Variants in TRAK1 observed in about 807,000 individuals in gnomAD.
TRAK1 encodes the protein trafficking kinesin protein 1, also known as trafficking kinesin-binding protein 1.
In TRAK1, 33 loss-of-function variants were observed where a neutral mutation model predicts 92.1. The ratio of observed to expected loss-of-function variants is 0.36; its 90% CI spans 0.27 to 0.48. The LOEUF (loss-of-function observed/expected upper bound fraction) is 0.48, where lower values mean the gene tolerates loss of function less well. Ranked by LOEUF, TRAK1 falls within the 20% of genes least tolerant of loss-of-function variation. TRAK1 has a pLI of 0.99. For missense variants in TRAK1, 1,123 were observed against 1,257.9 expected (o/e 0.89, Z 1.62); for synonymous variants, 521 against 517.3 (o/e 1.01, Z -0.10).
intron 2 of TRAK1, among the ~76,000 whole-genome samples, chr3:42,141,398 T>G (rs1434977555): frequency 6.6e-6 from 1 of 152,208 alleles, no homozygotes; most frequent in East Asian, 1.9e-4. Flanking sequence ...ATTCATTTCT[T>G]TGTGAATTTC....
intron 3 of TRAK1, among the ~76,000 whole-genome samples, chr3:42,184,370 T>C (rs1301247145): frequency 3.9e-5 from 6 of 152,252 alleles, no homozygotes; most frequent in Non-Finnish European, 8.8e-5. Context: ...ATCAAGTGAC[T>C]GCACAAATAT....
chr3:42,124,769 C>A (rs1710344905), intron 1 of TRAK1, among the ~76,000 whole-genome samples: 1 of 152,206 alleles, frequency 6.6e-6, no homozygotes, highest in African/African-American at 2.4e-5. Context: ...GAGATTAATT[C>A]TGCTTGGTGT....
At chr3:42,099,573 A>G (rs923077419) in intron 1 of TRAK1, among the ~76,000 whole-genome samples, 2 of 152,204 alleles carry the variant, frequency 1.3e-5, no homozygotes, top group African/African-American at 4.8e-5. Context: ...GCCTGTGGGC[A>G]GGGGCCCCTC....
At chr3:42,033,231 C>T (rs1299039928) in intron 1 of TRAK1, among the ~76,000 whole-genome samples, 1 of 152,006 alleles carries the variant, frequency 6.6e-6, no homozygotes, top group Non-Finnish European at 1.5e-5. Flanking sequence ...ATGTGTGAGG[C>T]GCAATTAGAG....
At chr3:42,102,830 C>T (rs928844836) in intron 1 of TRAK1, among the ~76,000 whole-genome samples, 9 of 147,340 alleles carry the variant, frequency 6.1e-5, no homozygotes, top group African/African-American at 2.3e-4. Context: ...CTTGGCAGCT[C>T]GAAAGTTCTC....
chr3:42,214,252 T>C (rs1333104103), intron 14 of TRAK1, among the ~76,000 whole-genome samples: 1 of 152,146 alleles, frequency 6.6e-6, no homozygotes, highest in East Asian at 1.9e-4. Context: ...GCACCCTGTG[T>C]TGAGAGGAGG....
At chr3:42,049,547 AT>A (rs1301080386) in intron 1 of TRAK1, among the ~76,000 whole-genome samples, 1 of 151,366 alleles carries the variant, frequency 6.6e-6, no homozygotes, top group East Asian at 1.9e-4. Flanking sequence ...TTCTTGTATC[AT>A]TTCTTTGATA....
intron 1 of TRAK1, among the ~76,000 whole-genome samples, chr3:42,123,248 C>G (rs1030365733): frequency 1.3e-5 from 2 of 152,202 alleles, no homozygotes; most frequent in African/African-American, 4.8e-5. Context: ...CACAAAGTCT[C>G]TGGCATTGCT....
chr3:42,064,515 A>G (rs1376759568), intron 1 of TRAK1, among the ~76,000 whole-genome samples: 1 of 152,248 alleles, frequency 6.6e-6, no homozygotes, highest in African/African-American at 2.4e-5. Flanking sequence ...CCTAGAATCT[A>G]GGAAGCTACC....
At chr3:42,170,972 T>G (rs187852457) in intron 2 of TRAK1, among the ~76,000 whole-genome samples, 1 of 152,038 alleles carries the variant, frequency 6.6e-6, no homozygotes, top group Admixed American at 6.6e-5. Context: ...TACAGGTGCC[T>G]GCCACCACAC....
intron 1 of TRAK1, among the ~76,000 whole-genome samples, chr3:42,054,937 T>TTTA: frequency 7.7e-6 from 1 of 129,586 alleles, no homozygotes; most frequent in Non-Finnish European, 1.5e-5. Flanking sequence ...TTTTTTTTTT[T>TTTA]TGAGACAGAG....
At position 42,224,262 on chromosome 3, in the gene TRAK1, G is replaced by A; in HGVS notation, c.*525G>A. On this transcript the variant is annotated 3_prime_UTR_variant, in exon 16 of 16. Transcript: ENST00000327628. ...GCTGACGTGGCTTTCCTGATCGGAGGGCTTTTCTTTTATGGGTGGCCCAGC... is the reference window on the plus strand; with the variant it reads ...GCTGACGTGGCTTTCCTGATCGGAGAGCTTTTCTTTTATGGGTGGCCCAGC... 1 of 333,896 alleles carries A rather than the reference G, an allele frequency of 3.0e-6. No homozygotes were observed. Among genetic ancestry groups the A allele is most frequent in the South Asian group, 2.3e-5 (1 of 43,970 alleles). 20.7% of individuals were successfully genotyped at this position (333,896 alleles called of 1,614,324 possible).
chr3:42,096,345 C>T (rs537114487), intron 1 of TRAK1, among the ~76,000 whole-genome samples: 3 of 152,208 alleles, frequency 2.0e-5, no homozygotes, highest in East Asian at 1.9e-4. Flanking sequence ...CTCTGCCTCC[C>T]GGGTTCAAGT....
chr3:42,218,548 T>C (rs1709976245), intron 14 of TRAK1: 1 of 985,038 alleles, frequency 1.0e-6, no homozygotes, highest in Non-Finnish European at 1.2e-6. Context: ...TTCCTGATGC[T>C]TGAGTTATGA....
chr3:42,108,881 C>A (rs897606288), intron 1 of TRAK1, among the ~76,000 whole-genome samples: 1 of 152,002 alleles, frequency 6.6e-6, no homozygotes, highest in African/African-American at 2.4e-5. Context: ...GAAGCTTTAT[C>A]TATGTGCTTT....
chr3:42,094,517 T>C (rs10865915), intron 1 of TRAK1, among the ~76,000 whole-genome samples: 81,347 of 151,768 alleles, frequency 0.54, 22,599 homozygotes, highest in South Asian at 0.68. Context: ...GCTGCGACTA[T>C]GGGCTGGAGC....
At chr3:42,110,017 G>A (rs889468346) in intron 1 of TRAK1, among the ~76,000 whole-genome samples, 1 of 144,742 alleles carries the variant, frequency 6.9e-6, no homozygotes, top group Non-Finnish European at 1.5e-5. Context: ...GAGTTAATGG[G>A]TGCAGCACAC....
chr3:42,105,607 C>A (rs1707425713), intron 1 of TRAK1, among the ~76,000 whole-genome samples: 1 of 152,270 alleles, frequency 6.6e-6, no homozygotes, highest in South Asian at 2.1e-4. Flanking sequence ...AGGATATTAT[C>A]CAGGAGAACT....
intron 1 of TRAK1, among the ~76,000 whole-genome samples, chr3:42,103,115 T>G (rs1293426688): frequency 6.6e-6 from 1 of 152,198 alleles, no homozygotes; most frequent in Non-Finnish European, 1.5e-5. Flanking sequence ...GAAAAGCTCC[T>G]TTCCCTTTAG....
Sources: allele counts gnomAD v4.1 joint callset (sites outside exome capture counted in the v4.1 genomes callset), GRCh38; gene constraint gnomAD v4.1.1; transcripts MANE v1.5; gene names NCBI Gene and HGNC (gene_info 2026-07-23, HGNC 2026-07-21).